The following FRYL variants were observed in gnomAD, a reference collection of about 807,000 sequenced individuals.
FRYL encodes protein furry homolog-like.
Under a neutral mutation model 351.2 loss-of-function variants are expected in FRYL, and 150 were observed. The ratio of observed to expected loss-of-function variants is 0.43; its 90% CI spans 0.37 to 0.49. The LOEUF (loss-of-function observed/expected upper bound fraction) is 0.49. Ranked by LOEUF, FRYL falls within the 20% of genes least tolerant of loss-of-function variation. FRYL has a pLI of 0.00. For synonymous variants in FRYL, 1,153 were observed against 1,257.1 expected, an observed-to-expected ratio of 0.92 and a Z score of 1.75; for missense variants, 3,036 against 3,619.3, an observed-to-expected ratio of 0.84 and a Z score of 4.13.
intron 1 of FRYL, among the ~76,000 whole-genome samples, chr4:48,756,982 T>A (rs1773859052): frequency 6.6e-6 from 1 of 152,112 alleles, no homozygotes; most frequent in African/African-American, 2.4e-5. Flanking sequence ...TCCGAAGACA[T>A]TTAAGGTTGT....
intron 23 of FRYL, among the ~76,000 whole-genome samples, chr4:48,577,108 A>G (rs1437327870): frequency 6.6e-6 from 1 of 152,126 alleles, no homozygotes; most frequent in Non-Finnish European, 1.5e-5. Context: ...ATTTTTCCCT[A>G]TTATACACAA....
intron 27 of FRYL, 50 bp downstream of exon 27, chr4:48,570,777 C>T (rs756920359): frequency 2.1e-5 from 28 of 1,324,312 alleles, no homozygotes; most frequent in Middle Eastern, 1.8e-4. Context: ...AAAGAGATTA[C>T]GTTCTCTAGG....
At chr4:48,598,743 A>T in intron 13 of FRYL, 3 of 430,182 alleles carry the variant, frequency 7.0e-6, no homozygotes, top group Non-Finnish European at 9.3e-6. Flanking sequence ...TTAGACATGC[A>T]ATGCAACAAT....
rs1747682415 is a variant in FRYL at position 48,609,785 on chromosome 4, T to C, written c.450A>G (p.Glu150=). 6.3e-7 allele frequency: 1 copy of C among 1,596,632 alleles called. No individual in the cohort carries two copies. Among genetic ancestry groups the C allele is most frequent in the South Asian group, 1.1e-5 (1 of 87,828 alleles). Residue 150 remains glutamate, a synonymous_variant, in exon 8 of 64, where the codon GAA becomes GAG. Coordinates refer to ENST00000358350, the MANE Select transcript of FRYL (RefSeq NM_015030.2). ...AGTGCTTAAAAGCTAAGTTTAGAAC[T>C]TCATGAACTAAGGGATCGGGTACAG... ...VHPVPDPLVH[E]VLNLAFKHFK... is the part of the protein sequence containing the mutation.
Position 48,547,573 on chromosome 4 carries a change from A to G in FRYL, c.5074+11T>C. 2.7e-6 allele frequency: 4 copies of G among 1,482,842 alleles called. No individual in the cohort carries two copies. In the South Asian group the frequency reaches 5.5e-5, roughly 20 times the overall value. 91.9% of individuals were successfully genotyped at this position (1,482,842 alleles called of 1,614,324 possible). A position where few individuals can be genotyped will look rare whatever the true frequency, so the allele number is the denominator to read the frequency against. ...AATTCTACTTTCAAATTGTACATTT[A>G]AAGCAAATACCTGTGAAATTATAAT... On this transcript the variant is annotated intron_variant, in intron 41 of 63. Coordinates refer to ENST00000358350, the MANE Select transcript of FRYL (RefSeq NM_015030.2).
rs988702684 is a variant in FRYL, at chr4:48,567,993, C to T, written c.2997-573G>A. ...AAGAATATCTGCAATGTGCTGGGCGCGGTGGCTCACACCTGTAATGCCAGC... is the reference window on the plus strand; with the variant it reads ...AAGAATATCTGCAATGTGCTGGGCGTGGTGGCTCACACCTGTAATGCCAGC... On this transcript the variant is annotated intron_variant, in intron 27 of 63. Transcript: ENST00000358350. The surrounding 1 kb of genome is among the most constrained non-coding windows in gnomAD (Gnocchi z 4.2). Among the ~76,000 whole-genome samples the T allele has an allele frequency of 3.3e-5, 5 of 152,200 alleles. No individual in the cohort carries two copies. The highest frequency in any genetic ancestry group is 2.1e-4 in the South Asian group (1 of 4,826).
At chr4:48,753,880 C>G (rs10023560) in intron 1 of FRYL, among the ~76,000 whole-genome samples, 2,600 of 152,128 alleles carry the variant, frequency 0.017, 67 homozygotes, top group African/African-American at 0.059. Context: ...GTTTGTTGAA[C>G]AGATCCCGCA....
In FRYL at chr4:48,644,807, G is replaced by C. The variant is rs894288214; in HGVS notation, c.-80-10317C>G. ...GGGGTGAAAAGACCTGTAGCCTAGA[G>C]AGCAAACCCAAAATTATATATTTTT... On this transcript the variant is annotated intron_variant, in intron 3 of 63. Transcript: ENST00000358350. Among the ~76,000 whole-genome samples, 36 of 151,674 alleles carry C rather than the reference G, an allele frequency of 2.4e-4. 1 individual carries two copies. The highest frequency in any genetic ancestry group is 1.5e-5 in the Non-Finnish European group (1 of 67,926).
chr4:48,573,166 GGCTGCAGAACACA>G lies in FRYL; in HGVS notation c.2904+7_2904+19del. The G allele has an allele frequency of 6.3e-7, 1 of 1,586,466 alleles. No individual in the cohort carries two copies. The highest frequency in any genetic ancestry group is 8.6e-7 in the Non-Finnish European group (1 of 1,157,334). ...GAAAAATGAATGTTCACTAATACAA[GGCTGCAGAACACA>G]GCTCACCTCTGGCCTTCTTTCGAGT... On this transcript the variant is annotated splice_region_variant and intron_variant, in intron 26 of 63. Coordinates refer to ENST00000358350, the MANE Select transcript of FRYL (RefSeq NM_015030.2).
At chr4:48,510,255 T>C (rs1722191853) in intron 58 of FRYL, 98 bp from the exon 59 acceptor site, 1 of 863,876 alleles carries the variant, frequency 1.2e-6, no homozygotes, top group African/African-American at 1.7e-5. Context: ...TAGCTGTTAG[T>C]TGGTTTTTGG....
In FRYL at chr4:48,581,484, C is replaced by T; in HGVS notation, c.2108G>A (p.Arg703Lys). 5.6e-6 allele frequency: 9 copies of T among 1,614,074 alleles called. No individual in the cohort carries two copies. Among genetic ancestry groups the T allele is most frequent in the Non-Finnish European group, 6.8e-6 (8 of 1,179,982 alleles). ...TCTAAGGACACTGACGGCTAGTCTC[C>T]TAGTGGCAGGTCGACTGCTACAGAG... ...VILCSSRPATRRLAVSVLREI... is the reference protein window; with the variant it reads ...VILCSSRPATKRLAVSVLREI... The change falls in exon 21 of 64, where the codon AGG becomes AAG. Residue 703 changes from arginine to lysine, a missense_variant. Arg to Lys is a conservative substitution (Grantham distance 26). This residue lies in a region of FRYL where 492 missense variants were observed against 551.5 expected (regional missense o/e 0.89). Transcript: ENST00000358350.
intron 1 of FRYL, among the ~76,000 whole-genome samples, chr4:48,748,523 G>A (rs1772915869): frequency 6.6e-6 from 1 of 152,130 alleles, no homozygotes; most frequent in African/African-American, 2.4e-5. Flanking sequence ...CCTCCTGACT[G>A]AACACAACAA....
intron 59 of FRYL, among the ~76,000 whole-genome samples, chr4:48,507,242 T>C (rs1260631523): frequency 6.6e-6 from 1 of 152,164 alleles, no homozygotes; most frequent in East Asian, 1.9e-4. Context: ...ACCCCAACCA[T>C]ATAGTCCTGT....
rs555042271 is a variant in FRYL, at chr4:48,676,176, G to T, written c.-81+8497C>A. 2.8e-4 allele frequency among the ~76,000 whole-genome samples: 42 copies of T among 152,288 alleles called. 1 individual carries two copies. In the South Asian group the frequency reaches 8.7e-3, roughly 32 times the overall value. ...AAGCAGGCTGCCCCAGCCAGCATTG[G>T]AAACCCACTCGGGTCCCCTTCCACA... is the stretch of plus-strand genomic sequence containing the variant. On this transcript the variant is annotated intron_variant, in intron 3 of 63. Transcript: ENST00000358350.
intron 1 of FRYL, among the ~76,000 whole-genome samples, chr4:48,722,894 T>C (rs1769647517): frequency 6.6e-6 from 1 of 152,200 alleles, no homozygotes. Context: ...AATGGCTCAC[T>C]GAGGACAGTG....
intron 22 of FRYL, 164 bp downstream of exon 22, chr4:48,580,701 C>G: frequency 2.1e-6 from 1 of 482,738 alleles, no homozygotes; most frequent in Non-Finnish European, 3.7e-6. Context: ...ATGAATGTCA[C>G]TTTTTAAGTA....
chr4:48,558,635 A>C (rs928198267), intron 33 of FRYL, among the ~76,000 whole-genome samples: 1 of 152,256 alleles, frequency 6.6e-6, no homozygotes, highest in Non-Finnish European at 1.5e-5. Context: ...AAGATAAAAG[A>C]ACATCTTTAT....
chr4:48,716,604 T>C (rs2149601812), intron 1 of FRYL, among the ~76,000 whole-genome samples: 1 of 151,578 alleles, frequency 6.6e-6, no homozygotes, highest in East Asian at 1.9e-4. Context: ...ATGGCAATCA[T>C]TAAAAAGTCA....
At chr4:48,621,772 ACTT>A (rs1750688546) in intron 5 of FRYL, among the ~76,000 whole-genome samples, 1 of 152,124 alleles carries the variant, frequency 6.6e-6, no homozygotes, top group African/African-American at 2.4e-5. Flanking sequence ...TCTGCATAAA[ACTT>A]CATCCAGAAA....
Sources: gnomAD v4.1 joint callset for allele counts (sites outside exome capture counted in the v4.1 genomes callset) on GRCh38, gnomAD v4.1.1 for gene constraint, gnomAD v4.1.1 regional missense constraint, Gnocchi (gnomAD v3.1) non-coding constraint, MANE v1.5 for transcripts, NCBI Gene and HGNC (gene_info 2026-07-23, HGNC 2026-07-21) for gene names.